The following CLIP1 variants were observed in gnomAD, a reference collection of about 807,000 sequenced individuals.
CLIP1 encodes the protein CAP-Gly domain containing linker protein 1.
A neutral mutation model predicts 161.6 loss-of-function variants in CLIP1; 66 were observed. The observed-to-expected ratio is 0.41, with a 90% CI of 0.33 to 0.50. The LOEUF (loss-of-function observed/expected upper bound fraction) is 0.50, where lower values mean the gene tolerates loss of function less well. Ranked by LOEUF, CLIP1 falls within the 20% of genes least tolerant of loss-of-function variation. The pLI is 0.27. For missense variants in CLIP1, 1,376 were observed against 1,702.0 expected, an observed-to-expected ratio of 0.81 and a Z score of 3.37; for synonymous variants, 598 against 626.2, an observed-to-expected ratio of 0.96 and a Z score of 0.67.
chr12:122,394,205 AGGGGCCGGGCGT>A (rs1210307762), intron 1 of CLIP1, among the ~76,000 whole-genome samples: 1 of 152,032 alleles, frequency 6.6e-6, no homozygotes, highest in Admixed American at 6.6e-5. Flanking sequence ...AAAGATGAAA[AGGGGCCGGGCGT>A]GGTGGCTCAC....
chr12:122,350,863 C>T (rs1350934007), intron 9 of CLIP1, among the ~76,000 whole-genome samples: 1 of 151,892 alleles, frequency 6.6e-6, no homozygotes, highest in Non-Finnish European at 1.5e-5. Flanking sequence ...CCCTTTCTGG[C>T]AAAATTCTTT....
At chr12:122,305,901 C>G (rs1950851910) in intron 20 of CLIP1, among the ~76,000 whole-genome samples, 1 of 151,684 alleles carries the variant, frequency 6.6e-6, no homozygotes, top group African/African-American at 2.4e-5. Context: ...AACCCAGTCT[C>G]TACTAAAATA....
intron 11 of CLIP1, among the ~76,000 whole-genome samples, chr12:122,338,386 T>C (rs952435976): frequency 1.3e-5 from 2 of 152,236 alleles, no homozygotes; most frequent in African/African-American, 4.8e-5. Flanking sequence ...TTTGTGTATA[T>C]GCTTAAAGTA....
At chr12:122,336,849 CAT>C in intron 11 of CLIP1, 101 bp from the exon 12 acceptor site, 2 of 502,324 alleles carry the variant, frequency 4.0e-6, no homozygotes, top group South Asian at 4.8e-5. Flanking sequence ...TTATGAGAAA[CAT>C]AAAACAAAAC....
chr12:122,358,602 T>C (rs1953619251), intron 5 of CLIP1, among the ~76,000 whole-genome samples: 2 of 152,198 alleles, frequency 1.3e-5, no homozygotes, highest in Admixed American at 1.3e-4. Context: ...CTGACTTCAG[T>C]TGAGCCTCAG....
intron 1 of CLIP1, among the ~76,000 whole-genome samples, chr12:122,411,605 G>A (rs1182262121): frequency 3.9e-5 from 6 of 152,118 alleles, no homozygotes; most frequent in Non-Finnish European, 5.9e-5. Context: ...ACAACATGGA[G>A]GAACCCTGAA....
chr12:122,326,572 G>T (rs939609526), intron 17 of CLIP1, among the ~76,000 whole-genome samples: 25 of 152,204 alleles, frequency 1.6e-4, no homozygotes, highest in Admixed American at 7.9e-4. Context: ...TCAGCTACTT[G>T]GGAAGCTGAG....
At chr12:122,370,139 G>C (rs1954369288) in intron 3 of CLIP1, among the ~76,000 whole-genome samples, 1 of 150,744 alleles carries the variant, frequency 6.6e-6, no homozygotes, top group African/African-American at 2.4e-5. Flanking sequence ...CTTCAGCCTG[G>C]GCAACAGAGC....
chr12:122,372,650 C>T (rs1317851367), intron 3 of CLIP1, among the ~76,000 whole-genome samples: 2 of 151,826 alleles, frequency 1.3e-5, no homozygotes, highest in African/African-American at 2.4e-5. Context: ...CAGCAAACCT[C>T]ATCGCAAAGG....
intron 20 of CLIP1, among the ~76,000 whole-genome samples, chr12:122,294,405 T>C (rs1950389625): frequency 6.9e-6 from 1 of 145,812 alleles, no homozygotes. Flanking sequence ...AACTATGATA[T>C]AATCCCAAAC....
intron 20 of CLIP1, among the ~76,000 whole-genome samples, chr12:122,303,908 G>C (rs1431261251): frequency 6.6e-6 from 1 of 152,138 alleles, no homozygotes; most frequent in Non-Finnish European, 1.5e-5. Context: ...AGCCAACCGG[G>C]GATCAGACGG....
chr12:122,291,970 A>G (rs1056917393), intron 20 of CLIP1, among the ~76,000 whole-genome samples: 1 of 152,076 alleles, frequency 6.6e-6, no homozygotes, highest in Non-Finnish European at 1.5e-5. Context: ...TTCTACCATG[A>G]GAAAGGGCTT....
Position 122,274,042 on chromosome 12 carries a change from C to T in CLIP1, c.4087G>A (p.Asp1363Asn). 6.2e-7 allele frequency: 1 copy of T among 1,613,542 alleles called. No homozygotes were observed. The highest frequency in any genetic ancestry group is 8.5e-7 in the Non-Finnish European group (1 of 1,179,698). Residue 1363 changes from aspartate to asparagine, a missense_variant, in exon 25 of 26, where the codon GAC (aspartate) becomes AAC (asparagine). Coordinates refer to ENST00000620786, the MANE Select transcript of CLIP1 (RefSeq NM_001247997.2). ...GTATGTCTTCATATGAAATACCTGTCATAATTGTTTAGGTCATCCCCGTTC... is the reference window on the plus strand; with the variant it reads ...GTATGTCTTCATATGAAATACCTGTTATAATTGTTTAGGTCATCCCCGTTC... The part of the protein sequence containing the change: ...NGNGDDLNNY[D>N]SDDQEKQSKK...
In CLIP1 at chr12:122,377,641, A is replaced by G. The variant is rs201167020; in HGVS notation, c.405T>C (p.Asn135=). The G allele has an allele frequency of 1.2e-6, 2 of 1,613,788 alleles. No homozygotes were observed. The change falls in exon 3 of 26, where the codon AAT becomes AAC. Residue 135 remains asparagine (N), a synonymous_variant. Coordinates refer to ENST00000620786, the MANE Select transcript of CLIP1 (RefSeq NM_001247997.2). ...TRKVQAEDEA[N]GLQTTPASRA... is the part of the protein sequence containing the mutation. ...GGGAGGCGGGCGTTGTCTGCAGGCC[A>G]TTAGCTTCATCTTCTGCTTGCACCT...
At position 122,278,858 on chromosome 12, in the gene CLIP1, C is replaced by G. The variant is rs528780009; in HGVS notation, c.3850G>C (p.Glu1284Gln). 1.2e-6 allele frequency: 2 copies of G among 1,612,482 alleles called. No homozygotes were observed. Among genetic ancestry groups the G allele is most frequent in the Non-Finnish European group, 1.7e-6 (2 of 1,179,480 alleles). ...QTLESDKVKL[E>Q]LKVKNLELQL... ...AGCTCCAAGTTCTTTACCTTGAGCTCGAGCTTCACCTTATCAGACTCTAGA... is the reference window on the plus strand; with the variant it reads ...AGCTCCAAGTTCTTTACCTTGAGCTGGAGCTTCACCTTATCAGACTCTAGA... The change falls in exon 23 of 26, where the codon GAG (glutamate) becomes CAG (glutamine). Residue 1284 changes from glutamate (E) to glutamine (Q), a missense_variant. Coordinates refer to ENST00000620786, the MANE Select transcript of CLIP1 (RefSeq NM_001247997.2).
intron 14 of CLIP1, 94 bp from the exon 15 acceptor site, chr12:122,333,237 C>A: frequency 1.1e-6 from 1 of 893,194 alleles, no homozygotes; most frequent in Non-Finnish European, 1.7e-6. Flanking sequence ...TTTCACACAG[C>A]AATTCTTGTC....
At chr12:122,281,900 C>A (rs962390543) in intron 21 of CLIP1, among the ~76,000 whole-genome samples, 1 of 152,008 alleles carries the variant, frequency 6.6e-6, no homozygotes, top group African/African-American at 2.4e-5. Flanking sequence ...TTTAGATTTC[C>A]CTATAATCAG....
intron 24 of CLIP1, chr12:122,277,834 TAAA>T (rs369570520): frequency 4.2e-5 from 9 of 216,142 alleles, no homozygotes; most frequent in African/African-American, 7.4e-5. Flanking sequence ...TTATTTATGT[TAAA>T]AAAAAAAAAG....
chr12:122,347,280 T>C lies in CLIP1; in HGVS notation c.1506+95A>G, dbSNP rs906824687. 1.4e-5 allele frequency: 12 copies of C among 868,456 alleles called. No individual in the cohort carries two copies. The East Asian group carries it at 2.9e-4, about 21-fold the overall frequency. 53.8% of individuals were successfully genotyped at this position (868,456 alleles called of 1,614,324 possible). A position where few individuals can be genotyped will look rare whatever the true frequency, so the allele number is the denominator to read the frequency against. ...CAAGACCAAACTCAGGTTGAACCAC[T>C]GGGTCAAGGCTCAGGCCAACTATAA... On this transcript the variant is annotated intron_variant, in intron 10 of 25. Transcript: ENST00000620786.
Sources: allele counts gnomAD v4.1 joint callset (sites outside exome capture counted in the v4.1 genomes callset), GRCh38; gene constraint gnomAD v4.1.1; transcripts MANE v1.5; gene names NCBI Gene and HGNC (gene_info 2026-07-23, HGNC 2026-07-21).